The following ATRNL1 variants were observed in gnomAD, a reference collection of about 807,000 sequenced individuals.
ATRNL1 encodes attractin like 1.
In ATRNL1, 95 loss-of-function variants were observed where a neutral mutation model predicts 182.7. The observed-to-expected ratio is 0.52, with a 90% CI of 0.44 to 0.62. The LOEUF (loss-of-function observed/expected upper bound fraction) is 0.62. ATRNL1 is among the 20% of genes least tolerant of loss of function. The probability of loss-of-function intolerance (pLI) is 0.00; values close to 1 mark genes in which losing one functional copy is unlikely to be tolerated. For synonymous variants in ATRNL1, 576 were observed against 568.3 expected (o/e 1.01, Z -0.19); for missense variants, 1,471 against 1,679.5 (o/e 0.88, Z 2.17).
In ATRNL1 at chr10:115,354,668, C is replaced by G. The variant is rs529898217; in HGVS notation, c.3175+20249C>G. Among the ~76,000 whole-genome samples, 7 of 152,116 alleles carry G rather than the reference C, an allele frequency of 4.6e-5. No homozygotes were observed. In the South Asian group the frequency reaches 1.5e-3, roughly 32 times the overall value. ...TGATTATTATATGTCTTGTGGTAGT[C>G]TTATTTCAGTTGAATCTTCTTGATG... is the stretch of plus-strand genomic sequence containing the variant. On this transcript the variant is annotated intron_variant, in intron 19 of 28. Coordinates refer to ENST00000355044, the MANE Select transcript of ATRNL1 (RefSeq NM_207303.4).
At chr10:115,141,612 T>A (rs1264793) in intron 5 of ATRNL1, among the ~76,000 whole-genome samples, 14,931 of 152,160 alleles carry the variant, frequency 0.098, 2,390 homozygotes, top group African/African-American at 0.33. Flanking sequence ...ATAACATATA[T>A]GGACATATTT....
At chr10:115,684,433 A>T (rs1555045712) in intron 26 of ATRNL1, among the ~76,000 whole-genome samples, 1 of 148,866 alleles carries the variant, frequency 6.7e-6, no homozygotes, top group African/African-American at 2.4e-5. Flanking sequence ...ATTAGTACAA[A>T]TAAAAAAAGT....
intron 26 of ATRNL1, among the ~76,000 whole-genome samples, chr10:115,715,224 G>A (rs1947210815): frequency 6.6e-6 from 1 of 152,162 alleles, no homozygotes; most frequent in South Asian, 2.1e-4. Flanking sequence ...TTGTATTCCA[G>A]AGCAAGGGCT....
chr10:115,350,346 G>GAAAAAAAAAAA (rs71010016), intron 19 of ATRNL1, among the ~76,000 whole-genome samples: 2 of 66,376 alleles, frequency 3.0e-5, no homozygotes, highest in African/African-American at 6.0e-5. Flanking sequence ...AAAAAAAAAA[G>GAAAAAAAAAAA]AAAAAAAAAA....
chr10:115,777,631 C>G (rs978725813), intron 27 of ATRNL1, among the ~76,000 whole-genome samples: 2 of 152,060 alleles, frequency 1.3e-5, no homozygotes, highest in Non-Finnish European at 1.5e-5. Flanking sequence ...ATCCAGCATA[C>G]AATTCTAACT....
intron 26 of ATRNL1, among the ~76,000 whole-genome samples, chr10:115,678,341 C>T (rs996347636): frequency 3.3e-5 from 5 of 151,896 alleles, no homozygotes; most frequent in Admixed American, 2.0e-4. Flanking sequence ...CAATAAATAC[C>T]AATCTCTATA....
chr10:115,927,344 G>C (rs2620960), intron 28 of ATRNL1, among the ~76,000 whole-genome samples: 1 of 152,028 alleles, frequency 6.6e-6, no homozygotes, highest in Non-Finnish European at 1.5e-5. Flanking sequence ...TTGAAAACTG[G>C]TAGAATTCTA....
intron 5 of ATRNL1, among the ~76,000 whole-genome samples, chr10:115,159,504 G>T (rs1395348305): frequency 6.6e-6 from 1 of 150,984 alleles, no homozygotes; most frequent in East Asian, 1.9e-4. Context: ...GCAAACTTTG[G>T]TTGTCCTTAA....
chr10:115,733,934 AAC>A (rs1177110622), intron 27 of ATRNL1, among the ~76,000 whole-genome samples: 2 of 152,148 alleles, frequency 1.3e-5, no homozygotes, highest in African/African-American at 4.8e-5. Flanking sequence ...TCTTTCCAAT[AAC>A]ATTTTCATTT....
intron 8 of ATRNL1, among the ~76,000 whole-genome samples, chr10:115,190,235 G>A (rs1848117161): frequency 2.0e-5 from 3 of 152,066 alleles, no homozygotes; most frequent in Non-Finnish European, 1.5e-5. Flanking sequence ...TGTGACAAAT[G>A]CTACTGTTAA....
intron 26 of ATRNL1, among the ~76,000 whole-genome samples, chr10:115,700,470 T>C (rs1439424991): frequency 2.6e-5 from 4 of 152,180 alleles, no homozygotes; most frequent in African/African-American, 7.2e-5. Flanking sequence ...TTTTTTCATA[T>C]GTATTTTAGC....
intron 26 of ATRNL1, among the ~76,000 whole-genome samples, chr10:115,634,202 G>A (rs189119208): frequency 4.4e-4 from 67 of 152,112 alleles, no homozygotes; most frequent in Admixed American, 1.2e-3. Flanking sequence ...ACAATCTACC[G>A]TGGTTATTAT....
chr10:115,461,158 A>C (rs1251672466), intron 21 of ATRNL1, among the ~76,000 whole-genome samples: 2 of 152,118 alleles, frequency 1.3e-5, no homozygotes, highest in African/African-American at 4.8e-5. Flanking sequence ...TATGAAAGGT[A>C]TGTATCCAAA....
At position 115,684,577 on chromosome 10, in the gene ATRNL1, A is replaced by G. The variant is rs115188859; in HGVS notation, c.3796-42671A>G. On this transcript the variant is annotated intron_variant, in intron 26 of 28. Transcript: ENST00000355044. ...GTTCAAATAGAGCTAATTATTGTCC[A>G]TAATATAGCATAATTTAAAATAAAT... 4.7e-3 allele frequency among the ~76,000 whole-genome samples: 720 copies of G among 151,712 alleles called. 3 individuals are homozygous for G. The highest frequency in any genetic ancestry group is 0.016 in the African/African-American group (664 of 41,544).
chr10:115,724,485 C>T (rs1230089152), intron 26 of ATRNL1, among the ~76,000 whole-genome samples: 3 of 152,088 alleles, frequency 2.0e-5, no homozygotes, highest in Non-Finnish European at 4.4e-5. Context: ...AATGTGCCAG[C>T]CTCTGTGTGG....
chr10:115,458,359 A>G (rs1230332289), intron 21 of ATRNL1, among the ~76,000 whole-genome samples: 4 of 152,176 alleles, frequency 2.6e-5, no homozygotes, highest in Admixed American at 6.6e-5. Flanking sequence ...CATTTTGTGT[A>G]GAAGTCTAAA....
chr10:115,812,208 T>C (rs910734064), intron 27 of ATRNL1, among the ~76,000 whole-genome samples: 3 of 152,172 alleles, frequency 2.0e-5, no homozygotes, highest in Non-Finnish European at 4.4e-5. Flanking sequence ...AGTTGGCTTT[T>C]ACTTTTGTAT....
At chr10:115,419,186 C>T (rs529707807) in intron 20 of ATRNL1, among the ~76,000 whole-genome samples, 31 of 152,054 alleles carry the variant, frequency 2.0e-4, no homozygotes, top group South Asian at 8.3e-4. Flanking sequence ...CTTTCCTTTG[C>T]GATCAAAATT....
chr10:115,797,270 G>T (rs996546718), intron 27 of ATRNL1, among the ~76,000 whole-genome samples: 1 of 152,170 alleles, frequency 6.6e-6, no homozygotes, highest in Non-Finnish European at 1.5e-5. Context: ...TGTTCAAAAA[G>T]TAGGAAAAAT....
Sources: allele counts gnomAD v4.1 joint callset (sites outside exome capture counted in the v4.1 genomes callset), GRCh38; gene constraint gnomAD v4.1.1; transcripts MANE v1.5; gene names NCBI Gene and HGNC (gene_info 2026-07-23, HGNC 2026-07-21).